The following GLI3 variants were observed in gnomAD, a reference collection of about 807,000 sequenced individuals.
The protein encoded by GLI3 is transcription activator GLI3.
In GLI3, 20 loss-of-function variants were observed where a neutral mutation model predicts 100.8. The observed-to-expected ratio is 0.20, with a 90% CI of 0.14 to 0.29. The LOEUF is 0.29. Among genes scored for constraint, GLI3 ranks in the 10% least tolerant of loss-of-function variants. The pLI, the probability that GLI3 is intolerant of heterozygous loss-of-function variation, is 1.00. For missense variants in GLI3, 2,040 were observed against 2,128.5 expected (o/e 0.96, Z 0.82); for synonymous variants, 938 against 860.5 (o/e 1.09, Z -1.58).
chr7:41,972,693 T>C lies in GLI3; in HGVS notation c.1813-66A>G. 1 of 1,331,914 alleles carries C rather than the reference T, an allele frequency of 7.5e-7. No individual in the cohort carries two copies. The highest frequency in any genetic ancestry group is 1.1e-6 in the Non-Finnish European group (1 of 942,520). The allele number at this position is 1,331,914 out of a possible 1,614,324, so 82.5% of individuals were successfully genotyped here. A position where few individuals can be genotyped will look rare whatever the true frequency, so the allele number is the denominator to read the frequency against. On this transcript the variant is annotated intron_variant, in intron 12 of 14. Coordinates refer to ENST00000395925, the MANE Select transcript of GLI3 (RefSeq NM_000168.6). The surrounding 1 kb of genome is among the most constrained non-coding windows in gnomAD (Gnocchi z 4.4). ...AAGAGACTATGCCCCAGCCCAAAAGTCCTTTATGGTTGCTCATTACATTTT... is the reference window on the plus strand; with the variant it reads ...AAGAGACTATGCCCCAGCCCAAAAGCCCTTTATGGTTGCTCATTACATTTT...
intron 1 of GLI3, among the ~76,000 whole-genome samples, chr7:42,223,655 A>G (rs1195895049): frequency 2.0e-5 from 3 of 152,216 alleles, no homozygotes; most frequent in East Asian, 3.9e-4. Flanking sequence ...ATGTCTCTTC[A>G]GGTGGCCAAC....
chr7:42,100,806 A>G lies in GLI3; in HGVS notation c.368-23949T>C, dbSNP rs200344028. Among the ~76,000 whole-genome samples the G allele has an allele frequency of 1.3e-4, 20 of 152,240 alleles. No homozygotes were observed. In the East Asian group the frequency reaches 3.9e-3, roughly 29 times the overall value. Reference sequence around the variant, plus strand: ...CCACAGGAAGACAGCCATGGAAGAGAGGCAGAGAGTGATGCTGCCATGAGA... The same window carrying G: ...CCACAGGAAGACAGCCATGGAAGAGGGGCAGAGAGTGATGCTGCCATGAGA... On this transcript the variant is annotated intron_variant, in intron 3 of 14. Transcript: ENST00000395925.
intron 2 of GLI3, among the ~76,000 whole-genome samples, chr7:42,171,377 A>G (rs763130852): frequency 6.6e-6 from 1 of 152,240 alleles, no homozygotes; most frequent in Non-Finnish European, 1.5e-5. Flanking sequence ...GAAGCAAATT[A>G]AAAAGAATTT....
intron 2 of GLI3, among the ~76,000 whole-genome samples, chr7:42,198,926 TTTC>T (rs957429890): frequency 2.3e-5 from 2 of 86,874 alleles, no homozygotes; most frequent in African/African-American, 1.4e-4. Flanking sequence ...TAAGAAAAAG[TTTC>T]TTTTTTTTTT....
chr7:42,133,893 G>A (rs377751333), intron 3 of GLI3, among the ~76,000 whole-genome samples: 2 of 151,928 alleles, frequency 1.3e-5, no homozygotes, highest in African/African-American at 2.4e-5. Flanking sequence ...ACTAGCCTGA[G>A]CAATATGGTG....
chr7:42,014,930 T>C (rs1249316974), intron 10 of GLI3, among the ~76,000 whole-genome samples: 3 of 152,226 alleles, frequency 2.0e-5, no homozygotes, highest in Non-Finnish European at 4.4e-5. Context: ...TATGACTATT[T>C]TTAAATGTTC....
intron 10 of GLI3, among the ~76,000 whole-genome samples, chr7:42,005,028 A>G (rs1211747502): frequency 6.6e-6 from 1 of 152,202 alleles, no homozygotes; most frequent in African/African-American, 2.4e-5. Context: ...TAAATTACAC[A>G]CAACGATTCA....
At chr7:42,126,176 T>A (rs1293707262) in intron 3 of GLI3, among the ~76,000 whole-genome samples, 1 of 152,198 alleles carries the variant, frequency 6.6e-6, no homozygotes, top group Non-Finnish European at 1.5e-5. Flanking sequence ...CTTTTCCAAA[T>A]CATACCAGGA....
At chr7:42,092,744 C>G (rs990400375) in intron 3 of GLI3, among the ~76,000 whole-genome samples, 5 of 152,236 alleles carry the variant, frequency 3.3e-5, no homozygotes, top group Non-Finnish European at 7.4e-5. Flanking sequence ...ACCTATCCAT[C>G]CAGGGCACAG....
Position 42,039,367 on chromosome 7 carries a change from G to T in GLI3, c.1028+671C>A, listed in dbSNP as rs144432024. 1.6e-3 allele frequency among the ~76,000 whole-genome samples: 250 copies of T among 152,306 alleles called. 1 individual carries two copies. Among genetic ancestry groups the T allele is most frequent in the Non-Finnish European group, 2.8e-3 (191 of 68,030 alleles). On this transcript the variant is annotated intron_variant, in intron 7 of 14. Transcript: ENST00000395925. ...CTTCACATGCAAAAACAGACATGAGGTGCTTCATGGAAGGAAGTGTCAAAA... is the reference window on the plus strand; with the variant it reads ...CTTCACATGCAAAAACAGACATGAGTTGCTTCATGGAAGGAAGTGTCAAAA...
At chr7:42,251,671 TTA>T (rs1001674885) in intron 1 of GLI3, among the ~76,000 whole-genome samples, 34 of 152,272 alleles carry the variant, frequency 2.2e-4, no homozygotes, top group Admixed American at 1.9e-3. Context: ...TCCTGGATGT[TTA>T]TGTGTATGGC....
intron 2 of GLI3, among the ~76,000 whole-genome samples, chr7:42,181,377 G>A (rs1787588746): frequency 6.6e-6 from 1 of 152,106 alleles, no homozygotes; most frequent in African/African-American, 2.4e-5. Context: ...GAGGTGGGTG[G>A]ATATCTTGAG....
chr7:42,063,494 C>CA (rs1160618439), intron 4 of GLI3, among the ~76,000 whole-genome samples: 1 of 151,884 alleles, frequency 6.6e-6, no homozygotes, highest in Non-Finnish European at 1.5e-5. Flanking sequence ...AGCACATGTA[C>CA]AAAAAAGGGA....
chr7:42,085,267 C>G (rs1785080050), intron 3 of GLI3, among the ~76,000 whole-genome samples: 1 of 152,098 alleles, frequency 6.6e-6, no homozygotes, highest in Non-Finnish European at 1.5e-5. Flanking sequence ...AGGAAACCAA[C>G]AACTGATCCA....
chr7:42,103,490 CA>C (rs1785510749), intron 3 of GLI3, among the ~76,000 whole-genome samples: 1 of 151,764 alleles, frequency 6.6e-6, no homozygotes, highest in Admixed American at 6.6e-5. Flanking sequence ...GACTAGGAGG[CA>C]AAAGACTGTG....
Position 42,237,171 on chromosome 7 carries a change from G to T in GLI3, c.-243C>A. 1 of 150,096 alleles carries T rather than the reference G, an allele frequency of 6.7e-6. No homozygotes were observed. Among genetic ancestry groups the T allele is most frequent in the South Asian group, 1.8e-4 (1 of 5,418 alleles). The allele number at this position is 150,096 out of a possible 1,614,324, so 9.3% of individuals were successfully genotyped here. ...CGCGGGGAAGGCGGGAGAGCGGCGC[G>T]GGTGAGTGGGAGCGGCGGGTGTGCG... On this transcript the variant is annotated 5_prime_UTR_variant, in exon 1 of 15. Transcript: ENST00000395925.
At chr7:42,183,628 T>A (rs1045739353) in intron 2 of GLI3, among the ~76,000 whole-genome samples, 4 of 152,134 alleles carry the variant, frequency 2.6e-5, no homozygotes, top group Non-Finnish European at 4.4e-5. Flanking sequence ...CCTGAAGACT[T>A]CCCAATCCCT....
intron 3 of GLI3, among the ~76,000 whole-genome samples, chr7:42,101,983 A>C (rs369003739): frequency 1.7e-3 from 250 of 151,278 alleles, no homozygotes; most frequent in African/African-American, 5.8e-3. Context: ...ATGGTTTCCA[A>C]TTTCATCCAT....
chr7:42,238,673 C>T (rs1419867381), upstream of GLI3, among the ~76,000 whole-genome samples: 1 of 152,176 alleles, frequency 6.6e-6, no homozygotes, highest in African/African-American at 2.4e-5. Context: ...AGTTATTTGG[C>T]CTCCTTCCTC....
Sources: gnomAD v4.1 joint callset for allele counts (sites outside exome capture counted in the v4.1 genomes callset) on GRCh38, gnomAD v4.1.1 for gene constraint, Gnocchi (gnomAD v3.1) non-coding constraint, MANE v1.5 for transcripts, NCBI Gene and HGNC (gene_info 2026-07-23, HGNC 2026-07-21) for gene names.